The following PTDSS1 variants were observed in gnomAD, a reference collection of about 807,000 sequenced individuals.
PTDSS1 encodes phosphatidylserine synthase 1.
In PTDSS1, 45 loss-of-function variants were observed where a neutral mutation model predicts 70.5. The observed-to-expected ratio is 0.64, with a 90% CI of 0.50 to 0.82. The LOEUF (loss-of-function observed/expected upper bound fraction) is 0.82, where lower values mean the gene tolerates loss of function less well. Ranked by LOEUF, PTDSS1 falls within the 40% of genes least tolerant of loss-of-function variation. The probability of loss-of-function intolerance (pLI) is 0.00; values close to 1 mark genes in which losing one functional copy is unlikely to be tolerated. For missense variants in PTDSS1, 417 were observed against 586.1 expected, an observed-to-expected ratio of 0.71 and a Z score of 2.98; for synonymous variants, 188 against 203.8, an observed-to-expected ratio of 0.92 and a Z score of 0.66.
intron 9 of PTDSS1, among the ~76,000 whole-genome samples, chr8:96,314,786 C>T (rs907564103): frequency 1.3e-5 from 2 of 152,052 alleles, no homozygotes; most frequent in African/African-American, 2.4e-5. Flanking sequence ...TTAGTAGAGA[C>T]GGGGTTTCAC....
At position 96,304,129 on chromosome 8, in the gene PTDSS1, A is replaced by G. The variant is rs1464217539; in HGVS notation, c.842A>G (p.Lys281Arg). 1.9e-6 allele frequency: 3 copies of G among 1,613,864 alleles called. No individual in the cohort carries two copies. Among genetic ancestry groups the G allele is most frequent in the East Asian group, 2.2e-5 (1 of 44,864 alleles). The change falls in exon 7 of 13, where the codon AAA becomes AGA. Residue 281 changes from lysine to arginine, a missense_variant. Lys to Arg is a conservative substitution (Grantham distance 26). Transcript: ENST00000517309. ...ACCTATGTTCGATGGTTTGACCCCA[A>G]ATCTTCTTTTCAGAGAGTAGCTGGA... ...SWTYVRWFDP[K>R]SSFQRVAGVY... is the part of the protein sequence containing the mutation.
chr8:96,288,650 G>T (rs1315181619), intron 4 of PTDSS1, among the ~76,000 whole-genome samples: 19 of 77,114 alleles, frequency 2.5e-4, no homozygotes, highest in African/African-American at 1.8e-3. Flanking sequence ...TTTTTTTTGA[G>T]ATGGTGCCTC....
intron 1 of PTDSS1, among the ~76,000 whole-genome samples, chr8:96,271,008 G>T (rs1810558646): frequency 6.6e-6 from 1 of 152,130 alleles, no homozygotes; most frequent in African/African-American, 2.4e-5. Flanking sequence ...GATTTGCCAT[G>T]GCCATTTATT....
intron 11 of PTDSS1, chr8:96,330,808 A>G (rs1366206106): frequency 1.1e-5 from 6 of 551,274 alleles, no homozygotes; most frequent in African/African-American, 3.8e-5. Context: ...AGTCTAAAGA[A>G]CTTAAGGCAT....
rs181227218 is a variant in PTDSS1, at chr8:96,269,240, T to C, written c.180-4059T>C. Among the ~76,000 whole-genome samples the C allele has an allele frequency of 5.4e-3, 827 of 152,300 alleles. 7 individuals are homozygous for C. Among genetic ancestry groups the C allele is most frequent in the African/African-American group, 0.019 (772 of 41,562 alleles). On this transcript the variant is annotated intron_variant, in intron 1 of 12. Transcript: ENST00000517309. ...CTCATACCTACTTCCACTCTGCCTC[T>C]ATTTGTGTGTGACTGTGGGCAAGAT...
chr8:96,288,290 CAGAGTTCAG>C (rs1810851518), intron 4 of PTDSS1, among the ~76,000 whole-genome samples: 1 of 151,994 alleles, frequency 6.6e-6, no homozygotes, highest in South Asian at 2.1e-4. Context: ...CTCTGAACCC[CAGAGTTCAG>C]AGATTTTTAT....
intron 8 of PTDSS1, 152 bp from the exon 9 acceptor site, chr8:96,309,405 C>T (rs546894088): frequency 5.4e-4 from 305 of 563,450 alleles, no homozygotes; most frequent in Admixed American, 1.2e-3. Context: ...TTTTAACAGG[C>T]ACTGGCTTTC....
At chr8:96,294,350 A>G (rs1810946075) in intron 4 of PTDSS1, among the ~76,000 whole-genome samples, 1 of 152,200 alleles carries the variant, frequency 6.6e-6, no homozygotes, top group Admixed American at 6.5e-5. Flanking sequence ...GGAAGAAAGG[A>G]TGTGAAATGT....
intron 10 of PTDSS1, among the ~76,000 whole-genome samples, chr8:96,326,712 C>CG (rs1466097002): frequency 6.6e-6 from 1 of 152,066 alleles, no homozygotes; most frequent in Non-Finnish European, 1.5e-5. Context: ...AATTTTCAAG[C>CG]GGGGAAACAA....
At chr8:96,309,204 T>G (rs1453956522) in intron 8 of PTDSS1, 3 of 155,232 alleles carry the variant, frequency 1.9e-5, no homozygotes, top group African/African-American at 7.6e-5. Context: ...TTTTTTTTTT[T>G]TTTTTTTTTT....
At chr8:96,288,618 G>A (rs570062611) in intron 4 of PTDSS1, among the ~76,000 whole-genome samples, 4 of 133,410 alleles carry the variant, frequency 3.0e-5, no homozygotes, top group African/African-American at 9.0e-5. Flanking sequence ...GAGCCACCAC[G>A]CTTGGCCTTT....
At chr8:96,306,388 G>A (rs1275994367) in intron 7 of PTDSS1, 56 bp from the exon 8 acceptor site, 1 of 1,222,802 alleles carries the variant, frequency 8.2e-7, no homozygotes, top group Non-Finnish European at 1.2e-6. Flanking sequence ...TTAAGGAATA[G>A]AGGATTTTGA....
intron 9 of PTDSS1, among the ~76,000 whole-genome samples, chr8:96,315,678 G>C (rs1811278045): frequency 6.6e-6 from 1 of 152,178 alleles, no homozygotes; most frequent in South Asian, 2.1e-4. Context: ...GGAATCTCTA[G>C]TGCCTGCTCC....
intron 5 of PTDSS1, among the ~76,000 whole-genome samples, chr8:96,295,988 C>T (rs1810968735): frequency 6.6e-6 from 1 of 152,014 alleles, no homozygotes; most frequent in South Asian, 2.1e-4. Context: ...CTGGTTCCCC[C>T]TGGGGCCTTT....
intron 1 of PTDSS1, among the ~76,000 whole-genome samples, chr8:96,265,277 G>C (rs1328642433): frequency 6.6e-6 from 1 of 152,162 alleles, no homozygotes; most frequent in African/African-American, 2.4e-5. Flanking sequence ...ATTCTTTTGG[G>C]ATGTCATATA....
At chr8:96,288,993 G>T (rs2130062362) in intron 4 of PTDSS1, among the ~76,000 whole-genome samples, 1 of 151,872 alleles carries the variant, frequency 6.6e-6, no homozygotes, top group African/African-American at 2.4e-5. Context: ...GGAATGTAGT[G>T]GCACAATCTC....
chr8:96,324,397 C>A (rs1265245724), intron 10 of PTDSS1, among the ~76,000 whole-genome samples: 2 of 152,212 alleles, frequency 1.3e-5, no homozygotes, highest in Non-Finnish European at 2.9e-5. Flanking sequence ...AACCACCCCA[C>A]TTTTTGGTAC....
intron 2 of PTDSS1, among the ~76,000 whole-genome samples, chr8:96,281,145 C>G (rs1209626129): frequency 6.6e-6 from 1 of 152,154 alleles, no homozygotes; most frequent in African/African-American, 2.4e-5. Flanking sequence ...AGTATCAGGA[C>G]TTATAATCTA....
intron 1 of PTDSS1, among the ~76,000 whole-genome samples, chr8:96,263,277 G>A (rs974350943): frequency 6.6e-6 from 1 of 152,164 alleles, no homozygotes; most frequent in Non-Finnish European, 1.5e-5. Context: ...TCATAAGGAG[G>A]TACACACCGT....
Sources: gnomAD v4.1 joint callset for allele counts (sites outside exome capture counted in the v4.1 genomes callset) on GRCh38, gnomAD v4.1.1 for gene constraint, MANE v1.5 for transcripts, NCBI Gene and HGNC (gene_info 2026-07-23, HGNC 2026-07-21) for gene names.